Variants in SPTLC2 observed in about 807,000 individuals in gnomAD.
SPTLC2 encodes serine palmitoyltransferase 2.
Under a neutral mutation model 62.0 loss-of-function variants are expected in SPTLC2, and 21 were observed. The observed-to-expected ratio is 0.34, with a 90% CI of 0.24 to 0.49. The LOEUF (loss-of-function observed/expected upper bound fraction) is 0.49. Ranked by LOEUF, SPTLC2 falls within the 20% of genes least tolerant of loss-of-function variation. The probability of loss-of-function intolerance (pLI) is 0.99; values close to 1 mark genes in which losing one functional copy is unlikely to be tolerated. For missense variants in SPTLC2, 511 were observed against 713.0 expected (o/e 0.72, Z 3.23); for synonymous variants, 261 against 261.8 (o/e 1.00, Z 0.03).
chr14:77,530,327 A>T (rs79291862), intron 9 of SPTLC2, among the ~76,000 whole-genome samples: 35,051 of 147,734 alleles, frequency 0.24, 4,793 homozygotes, highest in East Asian at 0.57. Flanking sequence ...AAAAAAAAAA[A>T]ATATTTATTT....
chr14:77,562,546 C>T, intron 5 of SPTLC2, 57 bp from the exon 6 acceptor site: 1 of 1,400,940 alleles, frequency 7.1e-7, no homozygotes, highest in Non-Finnish European at 1.0e-6. Flanking sequence ...GTTAGTTACA[C>T]AAATCACAAA....
At chr14:77,523,303 C>T (rs930273975) in intron 9 of SPTLC2, among the ~76,000 whole-genome samples, 43 of 152,302 alleles carry the variant, frequency 2.8e-4, no homozygotes, top group African/African-American at 8.2e-4. Context: ...CATTGAACCA[C>T]GGGGAATGCC....
At position 77,595,966 on chromosome 14, in the gene SPTLC2, T is replaced by A. The variant is rs2079844669; in HGVS notation, c.327+1220A>T. Among the ~76,000 whole-genome samples the A allele has an allele frequency of 2.0e-5, 3 of 152,208 alleles. No homozygotes were observed. In the South Asian group the frequency reaches 6.2e-4, roughly 31 times the overall value. ...AGGCATCTTTAACCCTCATTTTATT[T>A]ATTTATGGAGACTAGGTAACACATA... On this transcript the variant is annotated intron_variant, in intron 2 of 11. Transcript: ENST00000216484.
At chr14:77,608,426 C>T (rs1013631994) in intron 1 of SPTLC2, among the ~76,000 whole-genome samples, 1 of 152,118 alleles carries the variant, frequency 6.6e-6, no homozygotes. Flanking sequence ...AAACTGTATT[C>T]AACATCTAGC....
In SPTLC2 at chr14:77,573,985, G is replaced by A. The variant is rs182622174; in HGVS notation, c.631+2782C>T. Among the ~76,000 whole-genome samples the A allele has an allele frequency of 2.0e-4, 31 of 152,270 alleles. No individual in the cohort carries two copies. The East Asian group carries it at 3.3e-3, about 16-fold the overall frequency. ...AGACAGCCGTGTGGTGGAGTGATGT[G>A]CTATAAGCCAGGGAACGTCATGGAT... On this transcript the variant is annotated intron_variant, in intron 4 of 11. Coordinates refer to ENST00000216484, the MANE Select transcript of SPTLC2 (RefSeq NM_004863.4).
intron 9 of SPTLC2, chr14:77,547,995 T>C (rs2079538306): frequency 6.7e-6 from 1 of 149,862 alleles, no homozygotes. Flanking sequence ...TGGAATTAAT[T>C]CAAATGAGCC....
In SPTLC2 at chr14:77,568,259, T is replaced by A. The variant is rs1226040901; in HGVS notation, c.756+2125A>T. On this transcript the variant is annotated intron_variant, in intron 5 of 11. Transcript: ENST00000216484. ...TGTTTAATTTTCAAATATTCAAAGG[T>A]TTTCCAGATATCTTTGTGTTATCAA... is the stretch of plus-strand genomic sequence containing the variant. Among the ~76,000 whole-genome samples, 3 of 152,166 alleles carry A rather than the reference T, an allele frequency of 2.0e-5. No individual in the cohort carries two copies. In the East Asian group the frequency reaches 5.8e-4, roughly 29 times the overall value.
intron 2 of SPTLC2, among the ~76,000 whole-genome samples, chr14:77,589,134 T>C (rs908171890): frequency 5.3e-5 from 8 of 151,546 alleles, no homozygotes; most frequent in African/African-American, 1.9e-4. Context: ...TGAAGAAAAG[T>C]AGGTGAAATA....
At chr14:77,549,116 C>A (rs1395518939) in intron 9 of SPTLC2, among the ~76,000 whole-genome samples, 1 of 151,870 alleles carries the variant, frequency 6.6e-6, no homozygotes, top group Non-Finnish European at 1.5e-5. Flanking sequence ...TGGGGAGGAT[C>A]CTCGTGAATG....
intron 1 of SPTLC2, among the ~76,000 whole-genome samples, chr14:77,599,467 G>A (rs2079865788): frequency 6.6e-6 from 1 of 152,144 alleles, no homozygotes; most frequent in Non-Finnish European, 1.5e-5. Flanking sequence ...TCCTATCCCC[G>A]TAATGTTAGT....
intron 9 of SPTLC2, among the ~76,000 whole-genome samples, chr14:77,541,218 T>C (rs2079499191): frequency 6.6e-6 from 1 of 151,788 alleles, no homozygotes; most frequent in Non-Finnish European, 1.5e-5. Flanking sequence ...ATTTTATTTT[T>C]TTGTAGAGAC....
intron 4 of SPTLC2, among the ~76,000 whole-genome samples, chr14:77,573,394 T>A (rs1415930627): frequency 1.3e-5 from 2 of 152,120 alleles, no homozygotes; most frequent in Non-Finnish European, 2.9e-5. Context: ...CCTAAATACC[T>A]TGACTTGATT....
rs1023698283 is a variant in SPTLC2 at position 77,510,448 on chromosome 14, A to G, written c.*1836T>C. The G allele has an allele frequency of 1.5e-4, 23 of 152,514 alleles. No individual in the cohort carries two copies. The highest frequency in any genetic ancestry group is 5.3e-4 in the African/African-American group (22 of 41,570). 9.4% of individuals were successfully genotyped at this position (152,514 alleles called of 1,614,324 possible). A position where few individuals can be genotyped will look rare whatever the true frequency, so the allele number is the denominator to read the frequency against. On this transcript the variant is annotated 3_prime_UTR_variant, in exon 12 of 12. Coordinates refer to ENST00000216484, the MANE Select transcript of SPTLC2 (RefSeq NM_004863.4). ...ATTGAGAATCTTTACCGATAAAAGG[A>G]GCAATTTCAAAAACTTAAATGTGTA...
At chr14:77,592,636 G>A (rs969371469) in intron 2 of SPTLC2, among the ~76,000 whole-genome samples, 6 of 152,054 alleles carry the variant, frequency 3.9e-5, no homozygotes, top group Admixed American at 2.6e-4. Flanking sequence ...AGGGGTACGT[G>A]TGCAGGTTGT....
At chr14:77,519,079 C>T (rs972564669) in intron 10 of SPTLC2, among the ~76,000 whole-genome samples, 1 of 152,092 alleles carries the variant, frequency 6.6e-6, no homozygotes, top group Non-Finnish European at 1.5e-5. Flanking sequence ...CTCGCTTTGT[C>T]GCCAGGCTGC....
chr14:77,516,863 A>AAAGTC (rs2079361877), intron 11 of SPTLC2, among the ~76,000 whole-genome samples: 1 of 152,242 alleles, frequency 6.6e-6, no homozygotes, highest in Non-Finnish European at 1.5e-5. Flanking sequence ...ACAGAGAAGA[A>AAAGTC]AAGTCAAGTC....
intron 1 of SPTLC2, among the ~76,000 whole-genome samples, chr14:77,606,708 T>C (rs1451350779): frequency 6.6e-6 from 1 of 152,092 alleles, no homozygotes; most frequent in Non-Finnish European, 1.5e-5. Flanking sequence ...TACTCTAGGC[T>C]GGGCACAGGA....
At chr14:77,576,651 T>C (rs2079717405) in intron 4 of SPTLC2, 116 bp downstream of exon 4, 1 of 1,424,672 alleles carries the variant, frequency 7.0e-7, no homozygotes, top group African/African-American at 1.4e-5. Flanking sequence ...CTTCACCTTA[T>C]CTAAATGACA....
intron 6 of SPTLC2, among the ~76,000 whole-genome samples, chr14:77,560,534 G>C (rs1468940624): frequency 6.6e-6 from 1 of 152,108 alleles, no homozygotes; most frequent in Non-Finnish European, 1.5e-5. Context: ...AGGATCGGTT[G>C]AGCTGGGGAG....
Sources: allele counts gnomAD v4.1 joint callset (sites outside exome capture counted in the v4.1 genomes callset), GRCh38; gene constraint gnomAD v4.1.1; transcripts MANE v1.5; gene names NCBI Gene and HGNC (gene_info 2026-07-23, HGNC 2026-07-21).